The following RAPGEF4 variants were observed in gnomAD, a reference collection of about 807,000 sequenced individuals.
RAPGEF4 encodes Rap guanine nucleotide exchange factor 4.
A neutral mutation model predicts 147.9 loss-of-function variants in RAPGEF4; 66 were observed. The ratio of observed to expected loss-of-function variants is 0.45; its 90% confidence interval spans 0.37 to 0.55. The LOEUF is 0.55. Among genes scored for constraint, RAPGEF4 ranks in the 20% least tolerant of loss-of-function variants. The pLI, the probability that RAPGEF4 is intolerant of heterozygous loss-of-function variation, is 0.00. For missense variants in RAPGEF4, 1,071 were observed against 1,257.3 expected (o/e 0.85, Z 2.24); for synonymous variants, 419 against 442.7 (o/e 0.95, Z 0.67).
intron 1 of RAPGEF4, among the ~76,000 whole-genome samples, chr2:172,787,399 T>A (rs934575836): frequency 2.6e-5 from 4 of 152,248 alleles, no homozygotes; most frequent in Non-Finnish European, 5.9e-5. Context: ...TGGGTTGTCC[T>A]CTGTCTAACT....
At chr2:172,940,042 C>T (rs2105322213) in intron 6 of RAPGEF4, among the ~76,000 whole-genome samples, 1 of 152,200 alleles carries the variant, frequency 6.6e-6, no homozygotes, top group South Asian at 2.1e-4. Flanking sequence ...TTATAATTCT[C>T]AGACTTTCCT....
rs974347604 is a variant in RAPGEF4, at chr2:172,922,401, A to G, written c.537+101A>G. ...AAAGAGAGCTCTTGACCCACATTCAACAGAGCAATAAATATTTTTCTAATC... is the reference window on the plus strand; with the variant it reads ...AAAGAGAGCTCTTGACCCACATTCAGCAGAGCAATAAATATTTTTCTAATC... On this transcript the variant is annotated intron_variant, in intron 6 of 30. Transcript: ENST00000397081. 5.4e-6 allele frequency: 6 copies of G among 1,103,270 alleles called. 1 individual carries two copies. The highest frequency in any genetic ancestry group is 4.7e-5 in the African/African-American group (3 of 64,134). The allele number at this position is 1,103,270 out of a possible 1,614,324, so 68.3% of individuals were successfully genotyped here. A position where few individuals can be genotyped will look rare whatever the true frequency, so the allele number is the denominator to read the frequency against.
At chr2:172,887,020 T>A (rs1294457301) in intron 4 of RAPGEF4, among the ~76,000 whole-genome samples, 1 of 151,910 alleles carries the variant, frequency 6.6e-6, no homozygotes, top group Non-Finnish European at 1.5e-5. Flanking sequence ...AAACCCTGTC[T>A]CTACTAAAAA....
At chr2:172,946,278 A>G (rs764147634) in intron 6 of RAPGEF4, among the ~76,000 whole-genome samples, 1 of 152,212 alleles carries the variant, frequency 6.6e-6, no homozygotes, top group Non-Finnish European at 1.5e-5. Flanking sequence ...CTGAATATTA[A>G]TATTCCAAAA....
intron 17 of RAPGEF4, among the ~76,000 whole-genome samples, chr2:173,010,835 T>C (rs1694929744): frequency 6.6e-6 from 1 of 152,222 alleles, no homozygotes; most frequent in African/African-American, 2.4e-5. Flanking sequence ...AGGGGAACCC[T>C]ATGTGTTGCC....
intron 4 of RAPGEF4, among the ~76,000 whole-genome samples, chr2:172,841,285 C>G (rs1018501733): frequency 6.6e-6 from 1 of 152,146 alleles, no homozygotes; most frequent in African/African-American, 2.4e-5. Flanking sequence ...CCTCCTTCCC[C>G]CTTTCTTCCT....
intron 4 of RAPGEF4, among the ~76,000 whole-genome samples, chr2:172,900,302 T>C (rs1383831217): frequency 2.6e-5 from 4 of 152,180 alleles, no homozygotes; most frequent in African/African-American, 9.7e-5. Flanking sequence ...TGCAGTGGCG[T>C]GATCATAGCT....
At chr2:172,946,541 G>A (rs1308588251) in intron 6 of RAPGEF4, among the ~76,000 whole-genome samples, 4 of 152,118 alleles carry the variant, frequency 2.6e-5, no homozygotes, top group African/African-American at 9.7e-5. Flanking sequence ...GCTACAGCCA[G>A]ACTAGGGGAC....
In RAPGEF4 at chr2:172,985,457, C is replaced by T. The variant is rs753048993; in HGVS notation, c.1114C>T (p.Leu372Phe). ...GGTGAAACGAGAGTTAGCAGGTGTT[C>T]TCATTTTTGAGTCTCACGCCAAAGG... is the stretch of plus-strand genomic sequence containing the variant. ...TTVKRELAGVLIFESHAKGGT... is the reference protein window; with the variant it reads ...TTVKRELAGVFIFESHAKGGT... Residue 372 changes from leucine to phenylalanine, a missense_variant, in exon 12 of 31, where the codon CTC becomes TTC. Leu to Phe is a conservative substitution (Grantham distance 22, BLOSUM62 0). Coordinates refer to ENST00000397081, the MANE Select transcript of RAPGEF4 (RefSeq NM_007023.4). 2.5e-6 allele frequency: 4 copies of T among 1,613,850 alleles called. No individual in the cohort carries two copies. The South Asian group carries it at 4.4e-5, about 18-fold the overall frequency.
intron 6 of RAPGEF4, among the ~76,000 whole-genome samples, chr2:172,932,432 A>G (rs1686090444): frequency 6.6e-6 from 1 of 152,234 alleles, no homozygotes; most frequent in Admixed American, 6.5e-5. Context: ...GTTTTTATGG[A>G]ATGCATACAG....
At position 172,800,896 on chromosome 2, in the gene RAPGEF4, T is replaced by C. The variant is rs143369442; in HGVS notation, c.297+3283T>C. ...ATTATAGTCTAGCCAAGTTGACACA[T>C]ACAATTAACCATAATAGACCCCAAT... On this transcript the variant is annotated intron_variant, in intron 3 of 30. Transcript: ENST00000397081. Among the ~76,000 whole-genome samples the C allele has an allele frequency of 5.1e-4, 77 of 152,254 alleles. 1 individual carries two copies. Among genetic ancestry groups the C allele is most frequent in the African/African-American group, 1.8e-3 (73 of 41,538 alleles).
At chr2:172,771,796 A>G (rs1278344425) in intron 1 of RAPGEF4, among the ~76,000 whole-genome samples, 1 of 152,172 alleles carries the variant, frequency 6.6e-6, no homozygotes, top group Non-Finnish European at 1.5e-5. Flanking sequence ...ATCTGCAAGT[A>G]AGTAAACTCT....
intron 14 of RAPGEF4, among the ~76,000 whole-genome samples, chr2:172,990,209 G>A (rs537149513): frequency 3.3e-5 from 5 of 152,214 alleles, no homozygotes; most frequent in African/African-American, 1.2e-4. Context: ...AAGGTAAACT[G>A]TACTAACTCC....
intron 4 of RAPGEF4, among the ~76,000 whole-genome samples, chr2:172,872,196 G>A (rs926723829): frequency 8.5e-5 from 13 of 152,102 alleles, no homozygotes; most frequent in African/African-American, 2.9e-4. Context: ...TCTATCAAAT[G>A]CATTTGTTAG....
chr2:172,761,587 C>G (rs940364366), intron 1 of RAPGEF4, among the ~76,000 whole-genome samples: 4 of 152,020 alleles, frequency 2.6e-5, no homozygotes, highest in African/African-American at 9.7e-5. Context: ...ACTAGTAGTC[C>G]TAGCCAAGAA....
At chr2:172,817,607 A>G in intron 4 of RAPGEF4, among the ~76,000 whole-genome samples, 1 of 152,126 alleles carries the variant, frequency 6.6e-6, no homozygotes, top group South Asian at 2.1e-4. Context: ...ATCACTGAAC[A>G]GTAAGAGTGC....
At chr2:172,816,318 T>C (rs1007047840) in intron 4 of RAPGEF4, among the ~76,000 whole-genome samples, 2 of 151,590 alleles carry the variant, frequency 1.3e-5, no homozygotes, top group African/African-American at 4.8e-5. Flanking sequence ...CCCTGCCCCA[T>C]CATGGCATTG....
chr2:172,849,146 TTCAG>T (rs945354849), intron 4 of RAPGEF4, among the ~76,000 whole-genome samples: 1 of 152,038 alleles, frequency 6.6e-6, no homozygotes, highest in Admixed American at 6.5e-5. Flanking sequence ...GACAACTTGA[TTCAG>T]TCAGTCTCTG....
chr2:172,919,971 C>A (rs1055683938), intron 5 of RAPGEF4, among the ~76,000 whole-genome samples: 1 of 152,070 alleles, frequency 6.6e-6, no homozygotes, highest in African/African-American at 2.4e-5. Context: ...TGGCCTTGGG[C>A]CTCATCTCTT....
Sources: allele counts gnomAD v4.1 joint callset (sites outside exome capture counted in the v4.1 genomes callset), GRCh38; gene constraint gnomAD v4.1.1; transcripts MANE v1.5; gene names NCBI Gene and HGNC (gene_info 2026-07-23, HGNC 2026-07-21).